Variants in KCNJ12 observed in about 807,000 individuals in gnomAD.
KCNJ12 encodes the protein potassium inwardly rectifying channel subfamily J member 12.
Under a neutral mutation model 22.3 loss-of-function variants are expected in KCNJ12, and 2 were observed. The ratio of observed to expected loss-of-function variants is 0.09; its 90% CI spans 0.04 to 0.28. KCNJ12 has a LOEUF of 0.28. KCNJ12 is among the 10% of genes least tolerant of loss of function. The pLI is 1.00. For missense variants in KCNJ12, 155 were observed against 633.3 expected, an observed-to-expected ratio of 0.24 and a Z score of 8.11; for synonymous variants, 117 against 261.4, an observed-to-expected ratio of 0.45 and a Z score of 5.33.
intron 1 of KCNJ12, among the ~76,000 whole-genome samples, chr17:21,390,053 CT>C (rs1555559130): frequency 6.6e-6 from 1 of 152,136 alleles, no homozygotes; most frequent in African/African-American, 2.4e-5. Context: ...CAGGCCCCCA[CT>C]CCTGCCCCAT....
chr17:21,381,324 A>T (rs1188276503), intron 1 of KCNJ12, among the ~76,000 whole-genome samples: 1 of 151,986 alleles, frequency 6.6e-6, no homozygotes, highest in African/African-American at 2.4e-5. Context: ...GGAGGCTTCT[A>T]CCAGAGCCAC....
At chr17:21,377,903 G>A (rs1904722656) in intron 1 of KCNJ12, among the ~76,000 whole-genome samples, 1 of 152,136 alleles carries the variant, frequency 6.6e-6, no homozygotes, top group South Asian at 2.1e-4. Context: ...CCATCTTAGA[G>A]TACCGCGCTG....
chr17:21,413,232 C>G (rs1245590074), intron 2 of KCNJ12, among the ~76,000 whole-genome samples: 3 of 114,760 alleles, frequency 2.6e-5, no homozygotes, highest in African/African-American at 7.8e-5. Flanking sequence ...TTGCTGCCTC[C>G]TGCCTATGGG....
At chr17:21,398,053 C>A (rs1196110130) in intron 1 of KCNJ12, among the ~76,000 whole-genome samples, 1 of 152,050 alleles carries the variant, frequency 6.6e-6, no homozygotes, top group African/African-American at 2.4e-5. Flanking sequence ...CAGCCACTGC[C>A]AGGGCTGGGT....
intron 1 of KCNJ12, among the ~76,000 whole-genome samples, chr17:21,386,752 T>A (rs1905083211): frequency 6.6e-6 from 1 of 152,164 alleles, no homozygotes; most frequent in Admixed American, 6.5e-5. Context: ...GTGATCCGTC[T>A]ACCTTGGCCT....
At chr17:21,397,493 G>A (rs1256295446) in intron 1 of KCNJ12, among the ~76,000 whole-genome samples, 1 of 152,246 alleles carries the variant, frequency 6.6e-6, no homozygotes, top group Non-Finnish European at 1.5e-5. Context: ...CAAGGCTAGG[G>A]AAGCGTCTGT....
At chr17:21,413,725 G>T (rs1906514896) in intron 2 of KCNJ12, among the ~76,000 whole-genome samples, 1 of 152,312 alleles carries the variant, frequency 6.6e-6, no homozygotes, top group African/African-American at 2.4e-5. Flanking sequence ...CAGCCTGTGT[G>T]TCCCGGGGGT....
chr17:21,382,257 C>T (rs912563241), intron 1 of KCNJ12, among the ~76,000 whole-genome samples: 4 of 152,220 alleles, frequency 2.6e-5, no homozygotes, highest in Admixed American at 6.5e-5. Context: ...TTCTGAGGAT[C>T]ACAAGCCGTT....
At chr17:21,409,912 G>T (rs1236086215) in intron 2 of KCNJ12, among the ~76,000 whole-genome samples, 7 of 152,220 alleles carry the variant, frequency 4.6e-5, no homozygotes, top group Non-Finnish European at 8.8e-5. Flanking sequence ...GGTTAGCTTC[G>T]TGGACAGAGG....
At chr17:21,414,257 C>A (rs1906550341) in intron 2 of KCNJ12, among the ~76,000 whole-genome samples, 1 of 152,274 alleles carries the variant, frequency 6.6e-6, no homozygotes, top group Admixed American at 6.5e-5. Flanking sequence ...GGTGGATCAC[C>A]TGAGGTCAAG....
At chr17:21,384,505 T>C (rs1469890426) in intron 1 of KCNJ12, among the ~76,000 whole-genome samples, 1 of 151,880 alleles carries the variant, frequency 6.6e-6, no homozygotes, top group Non-Finnish European at 1.5e-5. Flanking sequence ...GCTCAGAGGG[T>C]CTGGGGGGCT....
chr17:21,415,057 G>T (rs1471685655), intron 2 of KCNJ12, among the ~76,000 whole-genome samples: 17 of 152,280 alleles, frequency 1.1e-4, no homozygotes, highest in African/African-American at 4.1e-4. Flanking sequence ...CCCTCAGTGT[G>T]GGAGTGAGGT....
At chr17:21,408,035 A>G (rs1440911467) in intron 1 of KCNJ12, among the ~76,000 whole-genome samples, 1 of 152,284 alleles carries the variant, frequency 6.6e-6, no homozygotes, top group East Asian at 1.9e-4. Context: ...CCATTCATTC[A>G]TCCACCCACC....
rs1906959605 is a variant in KCNJ12, at chr17:21,418,280, TGCCCCCGAGACA to T, written c.*1639_*1650del. 1.2e-5 allele frequency: 2 copies of T among 165,670 alleles called. No individual in the cohort carries two copies. The highest frequency in any genetic ancestry group is 4.9e-5 in the African/African-American group (2 of 40,686). 10.3% of individuals were successfully genotyped at this position (165,670 alleles called of 1,614,324 possible). On this transcript the variant is annotated 3_prime_UTR_variant, in exon 3 of 3. Coordinates refer to ENST00000583088, the MANE Select transcript of KCNJ12 (RefSeq NM_021012.5). ...AAGGATGTGTCTCCTGCTCCAACTCTGCCCCCGAGACAGCTCAGAGCCAGAAGGCACCCCGAG... is the reference window on the plus strand; with the variant it reads ...AAGGATGTGTCTCCTGCTCCAACTCTGCTCAGAGCCAGAAGGCACCCCGAG...
intron 1 of KCNJ12, among the ~76,000 whole-genome samples, chr17:21,384,048 T>C (rs1441826535): frequency 4.6e-5 from 7 of 152,114 alleles, no homozygotes; most frequent in Non-Finnish European, 1.5e-5. Context: ...GTGACCATCA[T>C]TAGAGAGGCT....
Position 21,412,807 on chromosome 17 carries a change from G to A in KCNJ12, c.-56-2480G>A, listed in dbSNP as rs1322586490. On this transcript the variant is annotated intron_variant, in intron 2 of 2. Transcript: ENST00000583088. ...CAGAGCTTGGGGGCCCATGGTGGGG[G>A]ACGGCGCTAGAGGTGGTTTAAAACT... is the stretch of plus-strand genomic sequence containing the variant. Among the ~76,000 whole-genome samples, 3 of 152,418 alleles carry A rather than the reference G, an allele frequency of 2.0e-5. No homozygotes were observed. The South Asian group carries it at 6.2e-4, about 32-fold the overall frequency.
intron 1 of KCNJ12, among the ~76,000 whole-genome samples, chr17:21,381,189 C>G (rs1409909902): frequency 6.6e-6 from 1 of 152,186 alleles, no homozygotes. Context: ...CCCACCTGGA[C>G]TGAGCCCTCC....
intron 1 of KCNJ12, among the ~76,000 whole-genome samples, chr17:21,395,379 G>A (rs1905321080): frequency 6.7e-6 from 1 of 149,520 alleles, no homozygotes; most frequent in South Asian, 2.1e-4. Flanking sequence ...TGGATCACTC[G>A]AGGCCAGGAG....
At chr17:21,415,161 A>G in intron 2 of KCNJ12, 126 bp from the exon 3 acceptor site, 1 of 1,038,370 alleles carries the variant, frequency 9.6e-7, no homozygotes, top group South Asian at 1.6e-5. Context: ...CTTGGGCAAG[A>G]CCAGAGCACG....
Sources: allele counts gnomAD v4.1 joint callset (sites outside exome capture counted in the v4.1 genomes callset), GRCh38; gene constraint gnomAD v4.1.1; transcripts MANE v1.5; gene names NCBI Gene and HGNC (gene_info 2026-07-23, HGNC 2026-07-21).